Variants in COL4A2 observed in about 807,000 individuals in gnomAD.
The protein encoded by COL4A2 is collagen alpha-2(IV) chain.
COL4A2 carries 99 observed loss-of-function variants against 200.2 expected under a neutral mutation model. The observed-to-expected ratio is 0.49, with a 90% confidence interval of 0.42 to 0.58. The LOEUF is 0.58. Ranked by LOEUF, COL4A2 falls within the 20% of genes least tolerant of loss-of-function variation. The pLI is 0.00. For missense variants in COL4A2, 1,950 were observed against 2,314.1 expected (o/e 0.84, Z 3.23); for synonymous variants, 897 against 900.6 (o/e 1.00, Z 0.07).
rs368863212 is a variant in COL4A2, at chr13:110,507,959, G to A, written c.4619G>A (p.Arg1540Gln). The A allele has an allele frequency of 2.6e-5, 42 of 1,613,838 alleles. No individual in the cohort carries two copies. The highest frequency in any genetic ancestry group is 1.2e-4 in the Admixed American group (7 of 60,008). Reference sequence around the variant, plus strand: ...GGGCTGGCGGGCTCCTGCCTGGCGCGGTTCAGCACCATGCCCTTCCTGTAC... The same window carrying A: ...GGGCTGGCGGGCTCCTGCCTGGCGCAGTTCAGCACCATGCCCTTCCTGTAC... ...DLGLAGSCLARFSTMPFLYCN... is the reference protein window; with the variant it reads ...DLGLAGSCLAQFSTMPFLYCN... Residue 1540 changes from arginine (R) to glutamine (Q), a missense_variant, in exon 47 of 48, where the codon CGG (arginine) becomes CAG (glutamine). This residue lies in a region of COL4A2 where 1,385 missense variants were observed against 1,720.5 expected (regional missense o/e 0.80). Coordinates refer to ENST00000360467, the MANE Select transcript of COL4A2 (RefSeq NM_001846.4).
At chr13:110,319,196 G>A (rs926620718) in intron 3 of COL4A2, among the ~76,000 whole-genome samples, 4 of 152,096 alleles carry the variant, frequency 2.6e-5, no homozygotes, top group African/African-American at 7.2e-5. Context: ...GCAGATGGCC[G>A]CTGAGTGAGA....
chr13:110,315,704 C>T (rs1015169946), intron 3 of COL4A2, among the ~76,000 whole-genome samples: 1 of 152,202 alleles, frequency 6.6e-6, no homozygotes, highest in South Asian at 2.1e-4. Flanking sequence ...CCATCATCCA[C>T]TTTTTCTCCC....
At chr13:110,395,726 C>A (rs905809672) in intron 4 of COL4A2, among the ~76,000 whole-genome samples, 2 of 152,158 alleles carry the variant, frequency 1.3e-5, no homozygotes, top group Non-Finnish European at 2.9e-5. Flanking sequence ...GGGCGGGTAA[C>A]TTGAGGTCAG....
At chr13:110,308,814 T>G (rs1884888760) in intron 3 of COL4A2, among the ~76,000 whole-genome samples, 1 of 152,192 alleles carries the variant, frequency 6.6e-6, no homozygotes. Context: ...GTCCATTTTA[T>G]ACGTTTTGTT....
chr13:110,430,811 AT>A, intron 10 of COL4A2: 1 of 832,606 alleles, frequency 1.2e-6, no homozygotes, highest in South Asian at 1.3e-5. Context: ...GCTTAAAATT[AT>A]GGTCACCAGC....
At chr13:110,492,916 A>G (rs996870881) in intron 38 of COL4A2, among the ~76,000 whole-genome samples, 4 of 152,214 alleles carry the variant, frequency 2.6e-5, no homozygotes, top group Non-Finnish European at 2.9e-5. Context: ...GGGCTTTAGC[A>G]GGATTGTATG....
chr13:110,364,065 C>T (rs949486848), intron 4 of COL4A2, among the ~76,000 whole-genome samples: 1 of 152,300 alleles, frequency 6.6e-6, no homozygotes, highest in Middle Eastern at 3.4e-3. Context: ...GCTGGTCGGA[C>T]CTCTTTGCAA....
intron 4 of COL4A2, among the ~76,000 whole-genome samples, chr13:110,361,329 A>G (rs1019846110): frequency 4.6e-5 from 7 of 152,238 alleles, no homozygotes; most frequent in Non-Finnish European, 8.8e-5. Flanking sequence ...ATACATAAAA[A>G]TAGCAGCTGG....
chr13:110,472,339 T>C (rs1053404993), intron 28 of COL4A2, among the ~76,000 whole-genome samples: 1 of 152,016 alleles, frequency 6.6e-6, no homozygotes, highest in African/African-American at 2.4e-5. Flanking sequence ...ATGGTCTCGA[T>C]CTCCTGACCT....
chr13:110,440,518 C>A (rs1003054506), intron 16 of COL4A2, among the ~76,000 whole-genome samples: 1 of 152,116 alleles, frequency 6.6e-6, no homozygotes, highest in Non-Finnish European at 1.5e-5. Flanking sequence ...ATCACTTGAA[C>A]CTGGGAGGCA....
At chr13:110,330,239 G>A (rs1279068348) in intron 3 of COL4A2, among the ~76,000 whole-genome samples, 2 of 152,096 alleles carry the variant, frequency 1.3e-5, no homozygotes, top group Admixed American at 6.5e-5. Flanking sequence ...AGGAATTTTC[G>A]GTATTATAAC....
chr13:110,450,448 C>T lies in COL4A2; in HGVS notation c.1333C>T (p.Pro445Ser), dbSNP rs1881496830. The change falls in exon 20 of 48, where the codon CCT becomes TCT. Residue 445 changes from proline (P) to serine (S), a missense_variant. Pro to Ser is a moderately conservative substitution (Grantham distance 74). Around this residue, in one of 2 missense-constraint regions of COL4A2, gnomAD observed 1,385 missense variants for 1,720.5 expected, o/e 0.80. Coordinates refer to ENST00000360467, the MANE Select transcript of COL4A2 (RefSeq NM_001846.4). ...CCCCGGGCTCCCTGGACCACCTGGA[C>T]CTGATGGTGAGTGGAGGGAAACAAA... ...GPPGLPGPPG[P>S]DGFLFGLKGA... The T allele has an allele frequency of 6.2e-7, 1 of 1,613,794 alleles. No individual in the cohort carries two copies. Among genetic ancestry groups the T allele is most frequent in the Non-Finnish European group, 8.5e-7 (1 of 1,179,932 alleles).
intron 30 of COL4A2, among the ~76,000 whole-genome samples, chr13:110,478,735 C>T (rs755809800): frequency 6.6e-6 from 1 of 152,262 alleles, no homozygotes; most frequent in Non-Finnish European, 1.5e-5. Context: ...GGGAAACTGT[C>T]AGTGCTGGTT....
At chr13:110,314,607 C>T (rs1885083930) in intron 3 of COL4A2, among the ~76,000 whole-genome samples, 1 of 152,164 alleles carries the variant, frequency 6.6e-6, no homozygotes, top group Admixed American at 6.5e-5. Context: ...CATGGGGCCT[C>T]TTCTTCGCTG....
chr13:110,362,478 T>G (rs573545971), intron 4 of COL4A2, among the ~76,000 whole-genome samples: 1 of 139,874 alleles, frequency 7.1e-6, no homozygotes, highest in East Asian at 2.9e-4. Flanking sequence ...CACACCTGGC[T>G]GATTTTTGTA....
At chr13:110,317,525 G>A (rs1314888187) in intron 3 of COL4A2, among the ~76,000 whole-genome samples, 1 of 152,124 alleles carries the variant, frequency 6.6e-6, no homozygotes, top group Non-Finnish European at 1.5e-5. Flanking sequence ...CTTCTGCAGA[G>A]AGGCTGGACA....
At chr13:110,495,314 A>G in intron 39 of COL4A2, 28 bp from the exon 40 acceptor site, 3 of 1,613,838 alleles carry the variant, frequency 1.9e-6, no homozygotes, top group East Asian at 4.5e-5. Flanking sequence ...AAACACCGAC[A>G]TCAGCTGCTG....
intron 4 of COL4A2, among the ~76,000 whole-genome samples, chr13:110,378,437 A>G (rs1447100725): frequency 6.6e-6 from 1 of 152,244 alleles, no homozygotes; most frequent in South Asian, 2.1e-4. Flanking sequence ...TCCATGGTCC[A>G]GAGGTGCGCC....
intron 39 of COL4A2, among the ~76,000 whole-genome samples, chr13:110,493,899 C>T (rs1170713967): frequency 1.3e-5 from 2 of 152,240 alleles, no homozygotes; most frequent in East Asian, 3.9e-4. Flanking sequence ...CTTATAAGGG[C>T]AGTAACCCCA....
Sources: gnomAD v4.1 joint callset for allele counts (sites outside exome capture counted in the v4.1 genomes callset) on GRCh38, gnomAD v4.1.1 for gene constraint, gnomAD v4.1.1 regional missense constraint, MANE v1.5 for transcripts, NCBI Gene and HGNC (gene_info 2026-07-23, HGNC 2026-07-21) for gene names.